The following TACR3 variants were observed in gnomAD, a reference collection of about 807,000 sequenced individuals.
TACR3 encodes the protein tachykinin receptor 3.
Under a neutral mutation model 35.0 loss-of-function variants are expected in TACR3, and 34 were observed. The observed-to-expected ratio is 0.97, with a 90% confidence interval of 0.74 to 1.30. The LOEUF (loss-of-function observed/expected upper bound fraction) is 1.30. Ranked by LOEUF, TACR3 falls within the 50% of genes most tolerant of loss-of-function variation. The pLI, the probability that TACR3 is intolerant of heterozygous loss-of-function variation, is 0.00. For synonymous variants in TACR3, 233 were observed against 221.1 expected, an observed-to-expected ratio of 1.05 and a Z score of -0.48; for missense variants, 558 against 591.7, an observed-to-expected ratio of 0.94 and a Z score of 0.59.
intron 3 of TACR3, among the ~76,000 whole-genome samples, chr4:103,642,254 A>G (rs1725370827): frequency 6.6e-6 from 1 of 151,312 alleles, no homozygotes; most frequent in East Asian, 1.9e-4. Flanking sequence ...TAATCACATC[A>G]TATATAATCA....
At chr4:103,674,587 C>CT (rs1340970918) in intron 1 of TACR3, among the ~76,000 whole-genome samples, 1 of 152,214 alleles carries the variant, frequency 6.6e-6, no homozygotes, top group Non-Finnish European at 1.5e-5. Flanking sequence ...GAGTCTCGCT[C>CT]TGTCACCAGG....
At chr4:103,694,798 A>T (rs1303292428) in intron 1 of TACR3, among the ~76,000 whole-genome samples, 1 of 152,144 alleles carries the variant, frequency 6.6e-6, no homozygotes, top group Admixed American at 6.6e-5. Context: ...TTAGTCTTTA[A>T]GGCATGTATT....
At chr4:103,670,919 TTCCCATTC>T (rs1278451741) in intron 1 of TACR3, among the ~76,000 whole-genome samples, 4 of 152,102 alleles carry the variant, frequency 2.6e-5, no homozygotes, top group African/African-American at 9.6e-5. Context: ...CTGTCAGTTT[TTCCCATTC>T]AGTATGATAC....
At chr4:103,610,433 A>T (rs747940069) in intron 3 of TACR3, among the ~76,000 whole-genome samples, 46 of 152,014 alleles carry the variant, frequency 3.0e-4, no homozygotes, top group Non-Finnish European at 5.6e-4. Flanking sequence ...CTTTTGGGAA[A>T]TGTCTACTCA....
chr4:103,629,866 AAAAAAC>A (rs1560814045), intron 3 of TACR3, among the ~76,000 whole-genome samples: 387 of 137,128 alleles, frequency 2.8e-3, no homozygotes, highest in Middle Eastern at 7.8e-3. Flanking sequence ...AAAAACAAAA[AAAAAAC>A]AAAAAAAACA....
chr4:103,618,152 A>G (rs563970425), intron 3 of TACR3, among the ~76,000 whole-genome samples: 1 of 152,292 alleles, frequency 6.6e-6, no homozygotes, highest in East Asian at 1.9e-4. Flanking sequence ...TTCTTTGCCA[A>G]GGTCGATGTT....
At chr4:103,614,081 G>A (rs1724576199) in intron 3 of TACR3, among the ~76,000 whole-genome samples, 1 of 151,990 alleles carries the variant, frequency 6.6e-6, no homozygotes, top group South Asian at 2.1e-4. Flanking sequence ...TATGAATTTT[G>A]GTGATGTACA....
chr4:103,596,657 G>C (rs1414492856), intron 3 of TACR3, among the ~76,000 whole-genome samples: 5 of 151,934 alleles, frequency 3.3e-5, no homozygotes, highest in African/African-American at 1.2e-4. Flanking sequence ...ACAATGTGCA[G>C]GTTTGTTACA....
rs1196345792 is a variant in TACR3, at chr4:103,587,764, AAT to A, written c.*1916_*1917del. The A allele has an allele frequency of 2.6e-5, 4 of 152,242 alleles. No homozygotes were observed. Among genetic ancestry groups the A allele is most frequent in the African/African-American group, 9.6e-5 (4 of 41,564 alleles). 9.4% of individuals were successfully genotyped at this position (152,242 alleles called of 1,614,324 possible). ...CTTGACACTTTAACATTGTATGATA[AAT>A]ATATGTTTTAAGAATGAACATTCAA... On this transcript the variant is annotated 3_prime_UTR_variant, in exon 5 of 5. Transcript: ENST00000304883.
intron 3 of TACR3, among the ~76,000 whole-genome samples, chr4:103,605,670 G>T (rs1253075130): frequency 2.0e-5 from 3 of 151,870 alleles, no homozygotes; most frequent in African/African-American, 7.3e-5. Flanking sequence ...CTTTTCGATG[G>T]GGTTGTTTTT....
chr4:103,623,292 A>C (rs1724823539), intron 3 of TACR3, among the ~76,000 whole-genome samples: 1 of 152,180 alleles, frequency 6.6e-6, no homozygotes, highest in Non-Finnish European at 1.5e-5. Flanking sequence ...TTGGATCAAA[A>C]TATATTTGCA....
chr4:103,687,637 C>A (rs1351501657), intron 1 of TACR3, among the ~76,000 whole-genome samples: 1 of 152,088 alleles, frequency 6.6e-6, no homozygotes, highest in Non-Finnish European at 1.5e-5. Flanking sequence ...TGAGTGAACT[C>A]CCATTCACAA....
intron 3 of TACR3, among the ~76,000 whole-genome samples, chr4:103,634,352 G>A (rs1725133629): frequency 6.6e-6 from 1 of 152,006 alleles, no homozygotes; most frequent in African/African-American, 2.4e-5. Context: ...CGTCTGACTT[G>A]GCCTCCAGGA....
chr4:103,636,028 G>C (rs1725180395), intron 3 of TACR3, among the ~76,000 whole-genome samples: 1 of 151,572 alleles, frequency 6.6e-6, no homozygotes, highest in South Asian at 2.1e-4. Flanking sequence ...TGCTCATTTG[G>C]CTTAAGAATC....
chr4:103,637,690 C>T (rs1367946811), intron 3 of TACR3, among the ~76,000 whole-genome samples: 1 of 152,076 alleles, frequency 6.6e-6, no homozygotes, highest in Non-Finnish European at 1.5e-5. Context: ...TCTAGAAAAC[C>T]CCATTGTCTC....
intron 3 of TACR3, among the ~76,000 whole-genome samples, chr4:103,615,176 G>A (rs1034792406): frequency 6.6e-6 from 1 of 152,018 alleles, no homozygotes; most frequent in Non-Finnish European, 1.5e-5. Flanking sequence ...GATTACAGGC[G>A]TGAGCCACCG....
At chr4:103,630,889 A>G (rs1473211314) in intron 3 of TACR3, among the ~76,000 whole-genome samples, 1 of 152,224 alleles carries the variant, frequency 6.6e-6, no homozygotes, top group African/African-American at 2.4e-5. Context: ...ACGTGTGTTT[A>G]TCGTGGCACT....
intron 3 of TACR3, among the ~76,000 whole-genome samples, chr4:103,629,851 A>AAAAC (rs1553969602): frequency 1.3e-5 from 1 of 79,468 alleles, no homozygotes; most frequent in African/African-American, 5.9e-5. Flanking sequence ...TAAGCAAAAC[A>AAAAC]AAAAAAAAAC....
At chr4:103,604,964 A>T (rs1360428082) in intron 3 of TACR3, among the ~76,000 whole-genome samples, 1 of 142,020 alleles carries the variant, frequency 7.0e-6, no homozygotes, top group Non-Finnish European at 1.5e-5. Context: ...ATATCTCCCA[A>T]TGCTATCCCT....
Sources: gnomAD v4.1 joint callset for allele counts (sites outside exome capture counted in the v4.1 genomes callset) on GRCh38, gnomAD v4.1.1 for gene constraint, MANE v1.5 for transcripts, NCBI Gene and HGNC (gene_info 2026-07-23, HGNC 2026-07-21) for gene names.